The following UGT1A9 variants were observed in gnomAD, a reference collection of about 807,000 sequenced individuals.
The protein encoded by UGT1A9 is UDP glucuronosyltransferase family 1 member A9, also known as UDP-glucuronosyltransferase 1A9.
Under a neutral mutation model 45.0 loss-of-function variants are expected in UGT1A9, and 35 were observed. That is an observed-to-expected ratio of 0.78 (90% CI 0.59 to 1.03). The LOEUF (loss-of-function observed/expected upper bound fraction) is 1.03, where lower values mean the gene tolerates loss of function less well. Ranked by LOEUF, UGT1A9 falls within the 50% of genes least tolerant of loss-of-function variation. The pLI is 0.00. For missense variants in UGT1A9, 687 were observed against 666.6 expected (o/e 1.03, Z -0.34); for synonymous variants, 278 against 250.6 (o/e 1.11, Z -1.03).
Position 233,672,588 on chromosome 2 carries a change from A to C in UGT1A9, c.654A>C (p.Leu218Phe), listed in dbSNP as rs780740766. The C allele has an allele frequency of 6.8e-6, 11 of 1,613,912 alleles. No individual in the cohort carries two copies. The highest frequency in any genetic ancestry group is 4.5e-5 in the East Asian group (2 of 44,874). ...ACATCATGCACTTGGAGGAACATTTATTATGCCACCGTTTTTTCAAAAATG... is the reference window on the plus strand; with the variant it reads ...ACATCATGCACTTGGAGGAACATTTCTTATGCCACCGTTTTTTCAAAAATG... Reference protein sequence around the residue: ...RNHIMHLEEHLLCHRFFKNAL... With the variant: ...RNHIMHLEEHFLCHRFFKNAL... The change falls in exon 1 of 5, where the codon TTA becomes TTC. Residue 218 changes from leucine (L) to phenylalanine (F), a missense_variant. Coordinates refer to ENST00000354728, the MANE Select transcript of UGT1A9 (RefSeq NM_021027.3).
Position 233,761,237 on chromosome 2 carries a change from G to A in UGT1A9, c.856-5797G>A, listed in dbSNP as rs1002651373. 1.9e-6 allele frequency: 3 copies of A among 1,612,296 alleles called. No homozygotes were observed. The African/African-American group carries it at 4.0e-5, about 22-fold the overall frequency. Reference sequence around the variant, plus strand: ...GATTAACTAGCCCCAGATATATGCTGAGCAAGCATTCTGAGATAATTTAAA... The same window carrying A: ...GATTAACTAGCCCCAGATATATGCTAAGCAAGCATTCTGAGATAATTTAAA... On this transcript the variant is annotated intron_variant, in intron 1 of 4. Coordinates refer to ENST00000354728, the MANE Select transcript of UGT1A9 (RefSeq NM_021027.3).
At chr2:233,743,547 C>T (rs201114978) in intron 1 of UGT1A9, 3 of 1,367,292 alleles carry the variant, frequency 2.2e-6, no homozygotes, top group Non-Finnish European at 9.8e-7. Context: ...TCTGACCCCC[C>T]CAAAATATTC....
chr2:233,733,746 G>A (rs1211480286), intron 1 of UGT1A9, among the ~76,000 whole-genome samples: 2 of 152,164 alleles, frequency 1.3e-5, no homozygotes, highest in Admixed American at 6.5e-5. Context: ...TGTTCATCAG[G>A]GATATTTGTC....
intron 1 of UGT1A9, among the ~76,000 whole-genome samples, chr2:233,698,174 G>C (rs370008696): frequency 6.6e-6 from 1 of 152,128 alleles, no homozygotes. Flanking sequence ...AGAACATTCT[G>C]TATTATGATA....
rs2126036602 is a variant in UGT1A9 at position 233,768,050 on chromosome 2, C to G, written c.1075+114C>G. On this transcript the variant is annotated intron_variant, in intron 3 of 4. Transcript: ENST00000354728. ...TTGAAAATATTATGGCCAACATATC[C>G]TACATTGCTTTTTATCTAGTGGGGT... 3 of 1,606,318 alleles carry G rather than the reference C, an allele frequency of 1.9e-6. No individual in the cohort carries two copies. In the Middle Eastern group the frequency reaches 5.0e-4, roughly 265 times the overall value.
At chr2:233,744,229 G>T (rs1245532493) in intron 1 of UGT1A9, among the ~76,000 whole-genome samples, 1 of 151,826 alleles carries the variant, frequency 6.6e-6, no homozygotes, top group African/African-American at 2.4e-5. Context: ...AAAAGAGAGG[G>T]CCTTGACTTT....
intron 1 of UGT1A9, chr2:233,742,040 A>G (rs1442889181): frequency 6.6e-6 from 1 of 151,948 alleles, no homozygotes; most frequent in Non-Finnish European, 1.5e-5. Context: ...TCCCAAGCAT[A>G]GCAATAGGAT....
intron 1 of UGT1A9, among the ~76,000 whole-genome samples, chr2:233,719,925 G>A (rs974352180): frequency 3.9e-5 from 6 of 152,132 alleles, no homozygotes; most frequent in Non-Finnish European, 8.8e-5. Flanking sequence ...TGTGACTCAC[G>A]GACAGTGTTT....
At chr2:233,757,535 A>AATAAATATACATATAC (rs1553619837) in intron 1 of UGT1A9, among the ~76,000 whole-genome samples, 3 of 88,310 alleles carry the variant, frequency 3.4e-5, no homozygotes, top group African/African-American at 1.5e-4. Context: ...GCCTGTAAGG[A>AATAAATATACATATAC]ATATATATAT....
intron 1 of UGT1A9, among the ~76,000 whole-genome samples, chr2:233,725,523 T>C (rs970179720): frequency 6.6e-6 from 1 of 152,060 alleles, no homozygotes; most frequent in African/African-American, 2.4e-5. Context: ...TAAGGCATTG[T>C]TTAACCAGAC....
rs61764030 is a variant in UGT1A9, at chr2:233,729,599, C to T, written c.856-37435C>T. ...TTAACAGACCCCGTTAACCTCTGCG[C>T]GGCAGTGCTGGCTAAGTACCTGTCG... On this transcript the variant is annotated intron_variant, in intron 1 of 4. Coordinates refer to ENST00000354728, the MANE Select transcript of UGT1A9 (RefSeq NM_021027.3). The T allele has an allele frequency of 2.7e-3, 4,298 of 1,614,002 alleles. 9 individuals carry two copies. Among genetic ancestry groups the T allele is most frequent in the Admixed American group, 4.7e-3 (282 of 60,020 alleles).
chr2:233,754,185 C>T (rs1296616460), intron 1 of UGT1A9: 1 of 159,682 alleles, frequency 6.3e-6, no homozygotes, highest in Non-Finnish European at 1.4e-5. Flanking sequence ...GATTTCACCA[C>T]CACACAGTAA....
intron 1 of UGT1A9, among the ~76,000 whole-genome samples, chr2:233,747,063 C>T (rs1043873041): frequency 4.6e-5 from 7 of 151,894 alleles, no homozygotes; most frequent in African/African-American, 1.2e-4. Flanking sequence ...ATTGGTTAAT[C>T]GGTAATAATT....
intron 1 of UGT1A9, among the ~76,000 whole-genome samples, chr2:233,765,977 C>T (rs1699015249): frequency 6.6e-6 from 1 of 152,154 alleles, no homozygotes; most frequent in Non-Finnish European, 1.5e-5. Context: ...TGGATGTTTA[C>T]AGCTCCTGAA....
At chr2:233,743,457 A>C in intron 1 of UGT1A9, 1 of 1,366,076 alleles carries the variant, frequency 7.3e-7, no homozygotes. Context: ...AAGAAGAAAA[A>C]ACACCCCCAA....
chr2:233,719,253 T>A (rs757974973), intron 1 of UGT1A9: 2 of 1,614,038 alleles, frequency 1.2e-6, no homozygotes, highest in African/African-American at 2.7e-5. Flanking sequence ...GAATGCTACT[T>A]CCTTTGATGT....
rs1314353678 is a variant in UGT1A9 at position 233,681,955 on chromosome 2, G to T, written c.855+9166G>T. On this transcript the variant is annotated intron_variant, in intron 1 of 4. Transcript: ENST00000354728. Reference sequence around the variant, plus strand: ...GTTCTCTGATGGCTCGTGCAGGGTGGACTGGCCTCCTTCCCCTATATGTGT... The same window carrying T: ...GTTCTCTGATGGCTCGTGCAGGGTGTACTGGCCTCCTTCCCCTATATGTGT... 12 of 1,613,914 alleles carry T rather than the reference G, an allele frequency of 7.4e-6. No individual in the cohort carries two copies. The highest frequency in any genetic ancestry group is 1.0e-5 in the Non-Finnish European group (12 of 1,179,862).
intron 1 of UGT1A9, among the ~76,000 whole-genome samples, chr2:233,759,163 C>T (rs28899472): frequency 0.024 from 3,618 of 152,322 alleles, 42 homozygotes; most frequent in Non-Finnish European, 0.031. Flanking sequence ...GAACACAAGG[C>T]AGGCAGGTTT....
intron 1 of UGT1A9, chr2:233,682,175 T>C (rs145733073): frequency 6.2e-7 from 1 of 1,614,072 alleles, no homozygotes; most frequent in East Asian, 2.2e-5. Flanking sequence ...TTACTCAACC[T>C]CATACACTCT....
Sources: allele counts gnomAD v4.1 joint callset (sites outside exome capture counted in the v4.1 genomes callset), GRCh38; gene constraint gnomAD v4.1.1; transcripts MANE v1.5; gene names NCBI Gene and HGNC (gene_info 2026-07-23, HGNC 2026-07-21).